GPD2: variants seen among roughly 807,000 people sequenced by gnomAD.
The protein encoded by GPD2 is glycerol-3-phosphate dehydrogenase 2, also known as glycerol-3-phosphate dehydrogenase, mitochondrial.
Under a neutral mutation model 82.4 loss-of-function variants are expected in GPD2, and 54 were observed. That is an observed-to-expected ratio of 0.66 (90% CI 0.53 to 0.82). The LOEUF (loss-of-function observed/expected upper bound fraction) is 0.82. Among genes scored for constraint, GPD2 ranks in the 40% least tolerant of loss-of-function variants. The pLI is 0.00. For synonymous variants in GPD2, 288 were observed against 306.1 expected (o/e 0.94, Z 0.62); for missense variants, 748 against 896.2 (o/e 0.83, Z 2.11).
chr2:156,436,040 G>C (rs1278445248), upstream of GPD2, among the ~76,000 whole-genome samples: 1 of 152,224 alleles, frequency 6.6e-6, no homozygotes. Context: ...GAGGGCCCTT[G>C]CGTGTGGCGC....
At chr2:156,403,972 A>G in the GPD2 span, among the ~76,000 whole-genome samples, 2 of 152,210 alleles carry the variant, frequency 1.3e-5, no homozygotes, top group Non-Finnish European at 2.9e-5. Context: ...AGAAAGAGAC[A>G]AACATATTCC....
chr2:156,586,366 A>G lies in GPD2; in HGVS notation c.*3448A>G, dbSNP rs551798441. On this transcript the variant is annotated 3_prime_UTR_variant, in exon 17 of 17. Coordinates refer to ENST00000438166, the MANE Select transcript of GPD2 (RefSeq NM_000408.5). ...AGGGCATGACTTCTGTATTTGTGCAATCCTATTCTACAATTACATTCATCC... is the reference window on the plus strand; with the variant it reads ...AGGGCATGACTTCTGTATTTGTGCAGTCCTATTCTACAATTACATTCATCC... 5 of 151,974 alleles carry G rather than the reference A, an allele frequency of 3.3e-5. No homozygotes were observed. The highest frequency in any genetic ancestry group is 7.4e-5 in the Non-Finnish European group (5 of 67,930). 9.4% of individuals were successfully genotyped at this position (151,974 alleles called of 1,614,324 possible).
intron 1 of GPD2, among the ~76,000 whole-genome samples, chr2:156,461,084 T>C (rs1213313951): frequency 6.6e-6 from 1 of 151,794 alleles, no homozygotes; most frequent in African/African-American, 2.4e-5. Flanking sequence ...AGCAGGTCCC[T>C]GGCTGTGCCT....
chr2:156,488,978 T>G (rs796805550), intron 2 of GPD2, among the ~76,000 whole-genome samples: 16 of 152,314 alleles, frequency 1.1e-4, no homozygotes, highest in African/African-American at 3.6e-4. Context: ...GTGGTTGGAA[T>G]TATGCTAGGA....
intron 1 of GPD2, among the ~76,000 whole-genome samples, chr2:156,459,686 CAAAAAAAAAAA>C (rs564494059): frequency 3.6e-4 from 14 of 38,790 alleles, no homozygotes; most frequent in African/African-American, 1.4e-3. Context: ...GACTCCGTCT[CAAAAAAAAAAA>C]AAAAAAAAAA....
At chr2:156,448,919 C>A (rs1468357949) in intron 1 of GPD2, among the ~76,000 whole-genome samples, 1 of 152,194 alleles carries the variant, frequency 6.6e-6, no homozygotes, top group East Asian at 1.9e-4. Context: ...AGGATGTGCT[C>A]CCTTCTGAGG....
intron 1 of GPD2, among the ~76,000 whole-genome samples, chr2:156,466,931 G>T (rs1397057916): frequency 6.6e-6 from 1 of 152,140 alleles, no homozygotes; most frequent in Non-Finnish European, 1.5e-5. Context: ...CCTCCTTTGA[G>T]GCTGAGAAGT....
intron 8 of GPD2, among the ~76,000 whole-genome samples, chr2:156,551,066 A>C (rs757067449): frequency 4.6e-5 from 7 of 152,206 alleles, no homozygotes; most frequent in Non-Finnish European, 7.3e-5. Context: ...TAATTTTGCA[A>C]AATTTTTTAT....
chr2:156,496,181 A>G lies in GPD2; in HGVS notation c.240A>G (p.Thr80=), dbSNP rs774380282. The G allele has an allele frequency of 1.2e-6, 2 of 1,612,996 alleles. No homozygotes were observed. The highest frequency in any genetic ancestry group is 2.2e-5 in the South Asian group (2 of 91,070). Residue 80 remains threonine, a synonymous_variant, in exon 3 of 17, where the codon ACA becomes ACG. Transcript: ENST00000438166. ...TCCTTGTTATTGGAGGAGGAGCAAC[A>G]GGAAGTGGCTGTGCGCTAGATGCTG... ...FDILVIGGGA[T]GSGCALDAVT...
At position 156,557,741 on chromosome 2, in the gene GPD2, G is replaced by T. The variant is rs1687016972; in HGVS notation, c.1165+159G>T. ...TATGAGGGCCAAATTTTAACATAAT[G>T]GGGAGAAATTGCCTTTTCTCCTCTA... On this transcript the variant is annotated intron_variant, in intron 9 of 16. Transcript: ENST00000438166. Among the ~76,000 whole-genome samples, 2 of 152,086 alleles carry T rather than the reference G, an allele frequency of 1.3e-5. 1 individual carries two copies. The highest frequency in any genetic ancestry group is 4.1e-4 in the South Asian group (2 of 4,820).
the GPD2 span, among the ~76,000 whole-genome samples, chr2:156,419,003 T>C: frequency 6.6e-6 from 1 of 151,412 alleles, no homozygotes; most frequent in Non-Finnish European, 1.5e-5. Context: ...CTTCTTCAGT[T>C]CAGCATGTCA....
intron 6 of GPD2, among the ~76,000 whole-genome samples, chr2:156,537,541 G>C (rs1686128843): frequency 6.6e-6 from 1 of 152,142 alleles, no homozygotes; most frequent in Non-Finnish European, 1.5e-5. Flanking sequence ...TCAATTTGGT[G>C]TGACATTGTC....
intron 13 of GPD2, among the ~76,000 whole-genome samples, chr2:156,575,530 G>A (rs1687788719): frequency 6.7e-6 from 1 of 150,354 alleles, no homozygotes; most frequent in Non-Finnish European, 1.5e-5. Context: ...AGCCTCCCAA[G>A]TAGCTGGGAC....
At chr2:156,581,908 A>G (rs1045477223) in intron 16 of GPD2, among the ~76,000 whole-genome samples, 2 of 152,042 alleles carry the variant, frequency 1.3e-5, no homozygotes, top group African/African-American at 4.8e-5. Flanking sequence ...AAATATTTTG[A>G]GAATTTACAT....
At chr2:156,568,804 C>A in intron 9 of GPD2, 21 bp from the exon 10 acceptor site, 1 of 1,607,364 alleles carries the variant, frequency 6.2e-7, no homozygotes, top group Non-Finnish European at 8.5e-7. Flanking sequence ...GTTCATAACC[C>A]TTGGCATTGA....
At chr2:156,409,301 G>T in the GPD2 span, among the ~76,000 whole-genome samples, 2 of 152,180 alleles carry the variant, frequency 1.3e-5, no homozygotes, top group African/African-American at 2.4e-5. Flanking sequence ...TTACATTTTT[G>T]ACTTGGCAGA....
In GPD2 at chr2:156,569,050, A is replaced by T; in HGVS notation, c.1300+91A>T. 1.4e-5 allele frequency: 15 copies of T among 1,070,368 alleles called. No homozygotes were observed. In the Admixed American group the frequency reaches 1.4e-4, roughly 10 times the overall value. The allele number at this position is 1,070,368 out of a possible 1,614,324, so 66.3% of individuals were successfully genotyped here. On this transcript the variant is annotated intron_variant, in intron 10 of 16. Transcript: ENST00000438166. ...CACCATGTTGCCCAGGAGGGTCTTG[A>T]ACTCCTGGACTAAGGTGATTCTCCC...
chr2:156,411,230 C>A, the GPD2 span, among the ~76,000 whole-genome samples: 127 of 152,112 alleles, frequency 8.3e-4, no homozygotes, highest in African/African-American at 3.0e-3. Flanking sequence ...ATGTTCTTAA[C>A]AACTTGTCTA....
intron 1 of GPD2, among the ~76,000 whole-genome samples, chr2:156,451,483 T>C (rs1573880347): frequency 6.5e-5 from 2 of 30,570 alleles, no homozygotes; most frequent in African/African-American, 1.2e-4. Context: ...CCCCCCCACC[T>C]CCCTCCCGGA....
Sources: allele counts gnomAD v4.1 joint callset (sites outside exome capture counted in the v4.1 genomes callset), GRCh38; gene constraint gnomAD v4.1.1; transcripts MANE v1.5; gene names NCBI Gene and HGNC (gene_info 2026-07-23, HGNC 2026-07-21).